Variants in FXR2 observed in about 807,000 individuals in gnomAD.
The protein encoded by FXR2 is RNA-binding protein FXR2.
FXR2 carries 9 observed loss-of-function variants against 87.3 expected under a neutral mutation model. The observed-to-expected ratio is 0.10, with a 90% CI of 0.06 to 0.18. The LOEUF (loss-of-function observed/expected upper bound fraction) is 0.18. FXR2 is among the 10% of genes least tolerant of loss of function. The probability of loss-of-function intolerance (pLI) is 1.00; values close to 1 mark genes in which losing one functional copy is unlikely to be tolerated. For synonymous variants in FXR2, 331 were observed against 328.3 expected, an observed-to-expected ratio of 1.01 and a Z score of -0.09; for missense variants, 661 against 893.6, an observed-to-expected ratio of 0.74 and a Z score of 3.32.
chr17:7,613,818 T>C, intron 1 of FXR2: 1 of 344,894 alleles, frequency 2.9e-6, no homozygotes, highest in South Asian at 2.2e-5. Context: ...GAGAGAGACT[T>C]GCGAAAGATG....
intron 3 of FXR2, 84 bp downstream of exon 3, chr17:7,605,561 A>G: frequency 1.4e-6 from 1 of 717,662 alleles, no homozygotes; most frequent in Non-Finnish European, 2.5e-6. Flanking sequence ...TTAGTTGGGG[A>G]GGAAGGAACA....
Position 7,592,171 on chromosome 17 carries a change from G to T in FXR2, c.1926+83C>A. On this transcript the variant is annotated intron_variant, in intron 16 of 16. Coordinates refer to ENST00000250113, the MANE Select transcript of FXR2 (RefSeq NM_004860.4). The surrounding 1 kb of genome is among the most constrained non-coding windows in gnomAD (Gnocchi z 4.8). ...ACACAGCTGCCTCTGCAATTCAGTA[G>T]GAGATTTGTGAAATTTTTTGTGCCC... 1 of 1,557,268 alleles carries T rather than the reference G, an allele frequency of 6.4e-7. No homozygotes were observed. The highest frequency in any genetic ancestry group is 1.2e-5 in the South Asian group (1 of 84,316).
intron 1 of FXR2, among the ~76,000 whole-genome samples, chr17:7,609,959 T>TAC (rs139479227): frequency 9.8e-6 from 1 of 101,688 alleles, no homozygotes; most frequent in Non-Finnish European, 2.5e-5. Flanking sequence ...TGTATACATA[T>TAC]ATATACATGT....
At chr17:7,604,661 A>C (rs1236041389) in intron 3 of FXR2, among the ~76,000 whole-genome samples, 1 of 148,730 alleles carries the variant, frequency 6.7e-6, no homozygotes, top group Admixed American at 6.7e-5. Flanking sequence ...ACTGCACTCC[A>C]GCTTGGGCAA....
chr17:7,604,721 CT>C (rs202152843), intron 3 of FXR2, among the ~76,000 whole-genome samples: 25,558 of 130,414 alleles, frequency 0.2, 2,386 homozygotes, highest in African/African-American at 0.25. Flanking sequence ...TGGGATGCAT[CT>C]TTTTTTTTTT....
At position 7,592,604 on chromosome 17, in the gene FXR2, A is replaced by C; in HGVS notation, c.1730-5T>G. On this transcript the variant is annotated splice_polypyrimidine_tract_variant and splice_region_variant and intron_variant, in intron 14 of 16. Coordinates refer to ENST00000250113, the MANE Select transcript of FXR2 (RefSeq NM_004860.4). The surrounding 1 kb of genome is among the most constrained non-coding windows in gnomAD (Gnocchi z 4.8). Reference sequence around the variant, plus strand: ...GTTGAGGTCTTGATTCATCTTCTGTAGGGTAGGAAAAAACCAGAGTCACAC... The same window carrying C: ...GTTGAGGTCTTGATTCATCTTCTGTCGGGTAGGAAAAAACCAGAGTCACAC... 6.2e-7 allele frequency: 1 copy of C among 1,613,566 alleles called. No individual in the cohort carries two copies. Among genetic ancestry groups the C allele is most frequent in the Non-Finnish European group, 8.5e-7 (1 of 1,179,722 alleles).
intron 1 of FXR2, chr17:7,613,837 T>C (rs2071901176): frequency 5.7e-6 from 2 of 349,096 alleles, no homozygotes; most frequent in South Asian, 2.2e-5. Context: ...TGCCACCTTA[T>C]GGCTGGCTGG....
In FXR2 at chr17:7,592,408, A is replaced by C. The variant is rs764908394; in HGVS notation, c.1826-54T>G. The C allele has an allele frequency of 3.3e-6, 5 of 1,538,430 alleles. No individual in the cohort carries two copies. In the Admixed American group the frequency reaches 8.3e-5, roughly 26 times the overall value. ...AGATGGAATTCTGGTAGCCAGCCTAAGACACCCACTGAACCCGAACCCCTG... is the reference window on the plus strand; with the variant it reads ...AGATGGAATTCTGGTAGCCAGCCTACGACACCCACTGAACCCGAACCCCTG... On this transcript the variant is annotated intron_variant, in intron 15 of 16. Coordinates refer to ENST00000250113, the MANE Select transcript of FXR2 (RefSeq NM_004860.4). The surrounding 1 kb of genome is among the most constrained non-coding windows in gnomAD (Gnocchi z 4.8).
Position 7,594,056 on chromosome 17 carries a change from G to T in FXR2, c.1021-52C>A. On this transcript the variant is annotated intron_variant, in intron 10 of 16. Coordinates refer to ENST00000250113, the MANE Select transcript of FXR2 (RefSeq NM_004860.4). The surrounding 1 kb of genome is among the most constrained non-coding windows in gnomAD (Gnocchi z 5.1). Reference sequence around the variant, plus strand: ...GATCAGAAAGGAAAATGAAATGGAAGGATTAACGCCGCCCAGTCTCCTAGG... The same window carrying T: ...GATCAGAAAGGAAAATGAAATGGAATGATTAACGCCGCCCAGTCTCCTAGG... The T allele has an allele frequency of 8.2e-7, 1 of 1,221,434 alleles. No individual in the cohort carries two copies. Among genetic ancestry groups the T allele is most frequent in the Non-Finnish European group, 1.2e-6 (1 of 821,658 alleles). 75.7% of individuals were successfully genotyped at this position (1,221,434 alleles called of 1,614,324 possible). A position where few individuals can be genotyped will look rare whatever the true frequency, so the allele number is the denominator to read the frequency against.
Position 7,594,065 on chromosome 17 carries a change from C to G in FXR2, c.1021-61G>C. 8.7e-7 allele frequency: 1 copy of G among 1,156,024 alleles called. No individual in the cohort carries two copies. The highest frequency in any genetic ancestry group is 1.3e-6 in the Non-Finnish European group (1 of 762,906). The allele number at this position is 1,156,024 out of a possible 1,614,324, so 71.6% of individuals were successfully genotyped here. ...GGAAAATGAAATGGAAGGATTAACG[C>G]CGCCCAGTCTCCTAGGGGAGCCTGC... On this transcript the variant is annotated intron_variant, in intron 10 of 16. Transcript: ENST00000250113. The surrounding 1 kb of genome is among the most constrained non-coding windows in gnomAD (Gnocchi z 5.1).
intron 1 of FXR2, among the ~76,000 whole-genome samples, chr17:7,610,662 C>G (rs1217874262): frequency 6.6e-6 from 1 of 152,166 alleles, no homozygotes; most frequent in Admixed American, 6.5e-5. Flanking sequence ...TCATCCCATA[C>G]TAGTTTTTTT....
rs1020053881 is a variant in FXR2 at position 7,612,869 on chromosome 17, A to G, written c.81+1583T>C. Reference sequence around the variant, plus strand: ...AAAATAGCCGGGCATGGTGGTGGGCACCTGTAGTCCCAGCTACTCGGGAGG... The same window carrying G: ...AAAATAGCCGGGCATGGTGGTGGGCGCCTGTAGTCCCAGCTACTCGGGAGG... On this transcript the variant is annotated intron_variant, in intron 1 of 16. Coordinates refer to ENST00000250113, the MANE Select transcript of FXR2 (RefSeq NM_004860.4). Among the ~76,000 whole-genome samples, 8 of 151,772 alleles carry G rather than the reference A, an allele frequency of 5.3e-5. No individual in the cohort carries two copies. The South Asian group carries it at 8.3e-4, about 16-fold the overall frequency.
chr17:7,603,633 G>A (rs2071778404), intron 5 of FXR2, 124 bp downstream of exon 5: 3 of 788,586 alleles, frequency 3.8e-6, no homozygotes, highest in African/African-American at 3.5e-5. Context: ...AGCAAGAAGG[G>A]CTCTAGTAGA....
rs1188278231 is a variant in FXR2, at chr17:7,595,925, T to C, written c.730A>G (p.Ile244Val). The C allele has an allele frequency of 6.2e-7, 1 of 1,613,460 alleles. No homozygotes were observed. ...TVREDLMGLAIGTHGANIQQA... is the reference protein window; with the variant it reads ...TVREDLMGLAVGTHGANIQQA... ...TGGATGTTGGCACCGTGAGTCCCAA[T>C]TGCCAGTCCCATCAGGTCCTCTCGC... is the stretch of plus-strand genomic sequence containing the variant. Residue 244 changes from isoleucine to valine, a missense_variant, in exon 8 of 17, where the codon ATT becomes GTT. This residue lies in a region of FXR2 where 82 missense variants were observed against 214.4 expected (regional missense o/e 0.38). Transcript: ENST00000250113. The surrounding 1 kb of genome is among the most constrained non-coding windows in gnomAD (Gnocchi z 4.7).
intron 3 of FXR2, among the ~76,000 whole-genome samples, chr17:7,605,167 A>G (rs1264946567): frequency 7.0e-6 from 1 of 143,150 alleles, no homozygotes; most frequent in Non-Finnish European, 1.5e-5. Flanking sequence ...TCAGAAATTC[A>G]AGACTAGCCT....
intron 1 of FXR2, among the ~76,000 whole-genome samples, chr17:7,607,796 T>G (rs2071815453): frequency 6.6e-6 from 1 of 152,090 alleles, no homozygotes; most frequent in Admixed American, 6.6e-5. Flanking sequence ...AATTTTTAAA[T>G]TCTTATTTAT....
At chr17:7,599,254 G>A (rs1047704045) in intron 7 of FXR2, among the ~76,000 whole-genome samples, 1 of 151,926 alleles carries the variant, frequency 6.6e-6, no homozygotes, top group African/African-American at 2.4e-5. Flanking sequence ...AGCTGAGATC[G>A]CACCACTACA....
At chr17:7,598,243 G>C (rs2071723920) in intron 7 of FXR2, among the ~76,000 whole-genome samples, 1 of 152,020 alleles carries the variant, frequency 6.6e-6, no homozygotes, top group Non-Finnish European at 1.5e-5. Context: ...GAGGTCAGGA[G>C]ATCAAGACCA....
chr17:7,597,418 A>G (rs1418945579), intron 7 of FXR2, among the ~76,000 whole-genome samples: 5 of 151,348 alleles, frequency 3.3e-5, no homozygotes, highest in Non-Finnish European at 7.4e-5. Flanking sequence ...TTAGGAGGGG[A>G]GGGGAAGAGA....
Sources: gnomAD v4.1 joint callset for allele counts (sites outside exome capture counted in the v4.1 genomes callset) on GRCh38, gnomAD v4.1.1 for gene constraint, gnomAD v4.1.1 regional missense constraint, Gnocchi (gnomAD v3.1) non-coding constraint, MANE v1.5 for transcripts, NCBI Gene and HGNC (gene_info 2026-07-23, HGNC 2026-07-21) for gene names.